The following SOX13 variants were observed in gnomAD, a reference collection of about 807,000 sequenced individuals.
SOX13 encodes the protein transcription factor SOX-13.
Under a neutral mutation model 71.8 loss-of-function variants are expected in SOX13, and 28 were observed. The observed-to-expected ratio is 0.39, with a 90% CI of 0.29 to 0.53. The LOEUF is 0.53. Among genes scored for constraint, SOX13 ranks in the 20% least tolerant of loss-of-function variants. The pLI is 0.70. For synonymous variants in SOX13, 309 were observed against 317.8 expected (o/e 0.97, Z 0.29); for missense variants, 627 against 810.3 (o/e 0.77, Z 2.75).
rs1553296743 is a variant in SOX13, at chr1:204,101,504, T to TTAAAAA, written c.-1-11411_-1-11410insTAAAAA. Among the ~76,000 whole-genome samples, 81 of 134,586 alleles carry TTAAAAA rather than the reference T, an allele frequency of 6.0e-4. 2 individuals carry two copies. Among genetic ancestry groups the TTAAAAA allele is most frequent in the Admixed American group, 1.1e-3 (15 of 13,062 alleles). 88.3% of individuals were successfully genotyped at this position (134,586 alleles called of 152,430 possible). ...AACATAGCGAGATTCCCTCTTTATT[T>TTAAAAA]AAAAAAAAAAAAAAGTGGCAGGAGG... On this transcript the variant is annotated intron_variant, in intron 1 of 13. Transcript: ENST00000367204.
intron 1 of SOX13, among the ~76,000 whole-genome samples, chr1:204,105,094 C>G (rs16852855): frequency 0.061 from 9,226 of 152,120 alleles, 871 homozygotes; most frequent in African/African-American, 0.2. Context: ...GTCATATAAG[C>G]GCCATGCTTT....
chr1:204,114,045 A>AG (rs1656639784), intron 2 of SOX13, among the ~76,000 whole-genome samples: 1 of 152,248 alleles, frequency 6.6e-6, no homozygotes. Flanking sequence ...AAAAGAGGGA[A>AG]GTCAGGTTCA....
chr1:204,115,492 T>TAAAAAA (rs71145062), intron 4 of SOX13, among the ~76,000 whole-genome samples: 5 of 49,962 alleles, frequency 1.0e-4, no homozygotes, highest in African/African-American at 2.2e-4. Flanking sequence ...TTTTTTTTTT[T>TAAAAAA]AAAAAAAAAA....
chr1:204,118,286 C>CA (rs146449869), intron 7 of SOX13: 9,611 of 118,188 alleles, frequency 0.081, 390 homozygotes, highest in Middle Eastern at 0.12. Flanking sequence ...GACTCCATTT[C>CA]AAAAAAAAAA....
At chr1:204,103,394 A>G (rs989424433) in intron 1 of SOX13, among the ~76,000 whole-genome samples, 1 of 152,226 alleles carries the variant, frequency 6.6e-6, no homozygotes, top group African/African-American at 2.4e-5. Context: ...ATGTGGATTT[A>G]GACATCAGCG....
intron 1 of SOX13, chr1:204,078,239 A>G (rs1041947512): frequency 7.1e-6 from 1 of 139,976 alleles, no homozygotes; most frequent in African/African-American, 2.5e-5. Context: ...AGCTAGGCCT[A>G]TTCCACCAAG....
Position 204,126,600 on chromosome 1 carries a change from C to G in SOX13, c.*466C>G, listed in dbSNP as rs1260511061. On this transcript the variant is annotated 3_prime_UTR_variant, in exon 14 of 14. Transcript: ENST00000367204. ...CGCTTTGTACTTTGTGCAAAAGGGT[C>G]TGGCTGTCCCTTGCTGTTTTCATCT... is the stretch of plus-strand genomic sequence containing the variant. 2.6e-5 allele frequency: 5 copies of G among 190,022 alleles called. No individual in the cohort carries two copies. The highest frequency in any genetic ancestry group is 5.5e-5 in the Non-Finnish European group (5 of 90,676). The allele number at this position is 190,022 out of a possible 1,614,324, so 11.8% of individuals were successfully genotyped here.
intron 1 of SOX13, among the ~76,000 whole-genome samples, chr1:204,103,041 G>T (rs1004860230): frequency 7.2e-5 from 11 of 152,176 alleles, no homozygotes; most frequent in African/African-American, 2.7e-4. Flanking sequence ...GGAGGGAGAG[G>T]GACTCCTTCC....
intron 1 of SOX13, among the ~76,000 whole-genome samples, chr1:204,083,740 G>C (rs1437247721): frequency 6.6e-6 from 1 of 152,234 alleles, no homozygotes; most frequent in Non-Finnish European, 1.5e-5. Context: ...TATGTAGGGA[G>C]CACCTGCCTT....
chr1:204,105,413 C>CTCTTTTTT (rs149562684), intron 1 of SOX13, among the ~76,000 whole-genome samples: 2 of 137,962 alleles, frequency 1.4e-5, no homozygotes, highest in Non-Finnish European at 3.0e-5. Flanking sequence ...TGTATAATCT[C>CTCTTTTTT]TTTTTTTTTT....
At chr1:204,116,413 C>A in intron 4 of SOX13, 94 bp from the exon 5 acceptor site, 2 of 1,609,198 alleles carry the variant, frequency 1.2e-6, no homozygotes, top group Middle Eastern at 1.7e-4. Context: ...ATAGCAATTG[C>A]TCAATAAGTT....
At chr1:204,094,093 T>C (rs1046958578) in intron 1 of SOX13, among the ~76,000 whole-genome samples, 2 of 152,172 alleles carry the variant, frequency 1.3e-5, no homozygotes, top group Admixed American at 6.5e-5. Context: ...CCCTTACACA[T>C]GTATGGGGCT....
intron 1 of SOX13, among the ~76,000 whole-genome samples, chr1:204,091,726 G>A (rs1656148703): frequency 2.0e-5 from 2 of 101,246 alleles, no homozygotes; most frequent in Non-Finnish European, 4.4e-5. Context: ...TTCTTTGTGT[G>A]CGTGTGCGTG....
chr1:204,107,506 T>TG (rs1341456637), intron 1 of SOX13, among the ~76,000 whole-genome samples: 1 of 152,088 alleles, frequency 6.6e-6, no homozygotes, highest in Admixed American at 6.5e-5. Flanking sequence ...CTCCCCTCCC[T>TG]GGGATGGTTA....
At chr1:204,114,102 G>A (rs1322480128) in intron 2 of SOX13, among the ~76,000 whole-genome samples, 10 of 152,224 alleles carry the variant, frequency 6.6e-5, no homozygotes. Flanking sequence ...GTGAGTCACT[G>A]AGCCTGGACT....
rs763609354 is a variant in SOX13, at chr1:204,112,960, C to T, written c.45C>T (p.Gly15=). Residue 15 remains glycine, a synonymous_variant, in exon 2 of 14, where the codon GGC becomes GGT. Transcript: ENST00000367204. ...SPISAQLALD[G]VGTMVNCTIK... ...TCTCTGCCCAGCTGGCCCTGGATGGCGTTGGCACCATGGTGAACTGCACCA... is the reference window on the plus strand; with the variant it reads ...TCTCTGCCCAGCTGGCCCTGGATGGTGTTGGCACCATGGTGAACTGCACCA... The T allele has an allele frequency of 2.2e-5, 35 of 1,613,590 alleles. No homozygotes were observed. Among genetic ancestry groups the T allele is most frequent in the South Asian group, 9.9e-5 (9 of 91,082 alleles).
chr1:204,122,295 C>A lies in SOX13; in HGVS notation c.920C>A (p.Thr307Asn), dbSNP rs1170908370. ...AKPKAPELPN[T>N]SSSPSLKMSS... ...CCCAAGGCCCCCGAGCTGCCCAACA[C>A]CTCCAGCTCCCCAAGCCTGAAGATG... Residue 307 changes from threonine to asparagine, a missense_variant, in exon 9 of 14, where the codon ACC (threonine) becomes AAC (asparagine). Thr to Asn is a moderately conservative substitution (Grantham distance 65). Coordinates refer to ENST00000367204, the MANE Select transcript of SOX13 (RefSeq NM_005686.3). The A allele has an allele frequency of 1.3e-6, 2 of 1,584,966 alleles. No homozygotes were observed. The highest frequency in any genetic ancestry group is 1.8e-5 in the Admixed American group (1 of 55,998).
chr1:204,094,990 C>T (rs1028731390), intron 1 of SOX13, among the ~76,000 whole-genome samples: 2 of 152,158 alleles, frequency 1.3e-5, no homozygotes, highest in African/African-American at 4.8e-5. Flanking sequence ...TCCCAAGTGG[C>T]CCCCGTCCTG....
At chr1:204,104,237 C>T (rs1256889636) in intron 1 of SOX13, among the ~76,000 whole-genome samples, 2 of 152,210 alleles carry the variant, frequency 1.3e-5, no homozygotes, top group Non-Finnish European at 2.9e-5. Context: ...AGCCTGGAAA[C>T]AGCCGAGGGA....
Sources: allele counts gnomAD v4.1 joint callset (sites outside exome capture counted in the v4.1 genomes callset), GRCh38; gene constraint gnomAD v4.1.1; transcripts MANE v1.5; gene names NCBI Gene and HGNC (gene_info 2026-07-23, HGNC 2026-07-21).